Variants in EFR3B observed in about 807,000 individuals in gnomAD.
EFR3B encodes the protein EFR3 homolog B, also known as protein EFR3 homolog B.
A neutral mutation model predicts 104.7 loss-of-function variants in EFR3B; 64 were observed. The observed-to-expected ratio is 0.61, with a 90% confidence interval of 0.50 to 0.75. The LOEUF (loss-of-function observed/expected upper bound fraction) is 0.75, where lower values mean the gene tolerates loss of function less well. Among genes scored for constraint, EFR3B ranks in the 30% least tolerant of loss-of-function variants. The probability of loss-of-function intolerance (pLI) is 0.00; values close to 1 mark genes in which losing one functional copy is unlikely to be tolerated. For missense variants in EFR3B, 750 were observed against 1,078.5 expected, an observed-to-expected ratio of 0.70 and a Z score of 4.27; for synonymous variants, 385 against 417.9, an observed-to-expected ratio of 0.92 and a Z score of 0.96.
intron 1 of EFR3B, among the ~76,000 whole-genome samples, chr2:25,052,461 C>T (rs1273142362): frequency 6.6e-6 from 1 of 150,960 alleles, no homozygotes; most frequent in East Asian, 1.9e-4. Flanking sequence ...ATGTGGCTTC[C>T]ATTAATTGGG....
At chr2:25,118,582 T>G (rs1172361864) in intron 4 of EFR3B, among the ~76,000 whole-genome samples, 3 of 151,744 alleles carry the variant, frequency 2.0e-5, no homozygotes, top group Non-Finnish European at 2.9e-5. Flanking sequence ...GGCAACTATG[T>G]GAGGTGTTAC....
intron 3 of EFR3B, among the ~76,000 whole-genome samples, chr2:25,097,157 G>A (rs1669303929): frequency 6.6e-6 from 1 of 152,194 alleles, no homozygotes; most frequent in African/African-American, 2.4e-5. Flanking sequence ...GAGCCACTTA[G>A]AATCATTCTG....
intron 4 of EFR3B, among the ~76,000 whole-genome samples, chr2:25,116,870 C>T (rs1024269286): frequency 6.6e-6 from 1 of 152,088 alleles, no homozygotes; most frequent in Non-Finnish European, 1.5e-5. Flanking sequence ...CCTCGCACCA[C>T]CTCAGGGGTA....
chr2:25,043,779 T>TC (rs1667643263), intron 1 of EFR3B, among the ~76,000 whole-genome samples: 1 of 145,186 alleles, frequency 6.9e-6, no homozygotes, highest in African/African-American at 2.6e-5. Context: ...TCTCTCTGTT[T>TC]TCCCCCTCTT....
chr2:25,051,723 C>T (rs1161104093), intron 1 of EFR3B, among the ~76,000 whole-genome samples: 2 of 150,442 alleles, frequency 1.3e-5, no homozygotes, highest in Non-Finnish European at 3.0e-5. Flanking sequence ...GCAACCTCCG[C>T]TTCCCGGGTT....
At chr2:25,145,097 A>ATTGGACG (rs1395446036) in intron 19 of EFR3B, 46 bp downstream of exon 19, 1 of 1,524,632 alleles carries the variant, frequency 6.6e-7, no homozygotes, top group Non-Finnish European at 8.9e-7. Flanking sequence ...CCTCCTGTAG[A>ATTGGACG]TTGGACGCTG....
At chr2:25,059,198 C>T (rs113786862) in intron 1 of EFR3B, among the ~76,000 whole-genome samples, 5,473 of 151,392 alleles carry the variant, frequency 0.036, 158 homozygotes, top group Non-Finnish European at 0.058. Context: ...CTGCAGCCTC[C>T]GCCTCCTGGG....
Position 25,158,678 on chromosome 2 carries a change from C to G in EFR3B, c.*4338C>G, listed in dbSNP as rs1020835070. On this transcript the variant is annotated 3_prime_UTR_variant, in exon 23 of 23. Transcript: ENST00000403714. The stretch of plus-strand genomic sequence containing the variant: ...TCCCTTTAGCCCCAGCCTGGCTGGC[C>G]AGGTCTCCTGTACTTCAGGGGACCA... The G allele has an allele frequency of 2.0e-5, 3 of 152,196 alleles. No homozygotes were observed. The highest frequency in any genetic ancestry group is 6.5e-5 in the Admixed American group (1 of 15,272). The allele number at this position is 152,196 out of a possible 1,614,324, so 9.4% of individuals were successfully genotyped here.
intron 1 of EFR3B, among the ~76,000 whole-genome samples, chr2:25,088,557 G>A (rs1315922172): frequency 6.6e-6 from 1 of 152,118 alleles, no homozygotes; most frequent in African/African-American, 2.4e-5. Flanking sequence ...ACTGGGCCTG[G>A]GGGAAAGCAG....
At chr2:25,133,965 C>G (rs1670451411) in intron 12 of EFR3B, among the ~76,000 whole-genome samples, 1 of 152,172 alleles carries the variant, frequency 6.6e-6, no homozygotes, top group South Asian at 2.1e-4. Context: ...ATATATGATT[C>G]CTCAGAGGTT....
chr2:25,139,340 T>G, intron 16 of EFR3B, 150 bp downstream of exon 16: 6 of 1,021,396 alleles, frequency 5.9e-6, no homozygotes, highest in East Asian at 3.2e-5. Flanking sequence ...AAGTTACTCG[T>G]GGCATCTTTC....
intron 21 of EFR3B, among the ~76,000 whole-genome samples, chr2:25,152,482 G>C (rs1163977040): frequency 6.6e-6 from 1 of 152,104 alleles, no homozygotes; most frequent in African/African-American, 2.4e-5. Flanking sequence ...AGAGTGATGG[G>C]GGAGGGGTGT....
intron 1 of EFR3B, among the ~76,000 whole-genome samples, chr2:25,055,968 C>T (rs554067386): frequency 3.9e-5 from 6 of 152,138 alleles, no homozygotes; most frequent in Non-Finnish European, 7.4e-5. Flanking sequence ...TAGCATCTAA[C>T]CGGGAACTTT....
Position 25,093,125 on chromosome 2 carries a change from AT to A in EFR3B, c.208del (p.Tyr70MetfsTer54). On this transcript the variant is annotated frameshift_variant, in exon 3 of 23. Transcript: ENST00000403714. LOFTEE classifies it high-confidence loss of function. ...TCATCCGTGACGTGGGTCGCCATCG[AT>A]ATGGGTAAGTAGTTTGGAAGAGAGG... is the stretch of plus-strand genomic sequence containing the variant. ...RLIRDVGRHR[Y>X]GYVCIAMEAL... 6.4e-7 allele frequency: 1 copy of A among 1,551,818 alleles called. No homozygotes were observed. Among genetic ancestry groups the A allele is most frequent in the South Asian group, 1.2e-5 (1 of 84,058 alleles).
intron 1 of EFR3B, chr2:25,081,219 T>G (rs1236781874): frequency 1.1e-6 from 1 of 919,386 alleles, no homozygotes; most frequent in Non-Finnish European, 1.7e-6. Flanking sequence ...AGCTTTTGCT[T>G]CTTCTGGAGA....
intron 4 of EFR3B, among the ~76,000 whole-genome samples, chr2:25,105,260 C>A (rs1235221388): frequency 6.6e-6 from 1 of 152,178 alleles, no homozygotes; most frequent in Non-Finnish European, 1.5e-5. Context: ...TCAAGTAATT[C>A]TCTTGCTTCA....
intron 1 of EFR3B, among the ~76,000 whole-genome samples, chr2:25,066,338 A>T (rs1397890436): frequency 1.3e-5 from 2 of 152,202 alleles, no homozygotes; most frequent in Non-Finnish European, 1.5e-5. Context: ...GCTGTTATTT[A>T]GTCATGATGA....
chr2:25,091,129 C>T (rs1009751386), intron 1 of EFR3B, among the ~76,000 whole-genome samples, 196 bp from the exon 2 acceptor site: 3 of 152,170 alleles, frequency 2.0e-5, no homozygotes, highest in African/African-American at 7.2e-5. Context: ...TGGCAGATGT[C>T]TTAGAGTGTG....
At chr2:25,096,984 C>T (rs1669298807) in intron 3 of EFR3B, among the ~76,000 whole-genome samples, 1 of 152,134 alleles carries the variant, frequency 6.6e-6, no homozygotes, top group Non-Finnish European at 1.5e-5. Flanking sequence ...ATATTAAGGG[C>T]CTTGACATAT....
Sources: gnomAD v4.1 joint callset for allele counts (sites outside exome capture counted in the v4.1 genomes callset) on GRCh38, gnomAD v4.1.1 for gene constraint, MANE v1.5 for transcripts, NCBI Gene and HGNC (gene_info 2026-07-23, HGNC 2026-07-21) for gene names.